Variants in DTL observed in about 807,000 individuals in gnomAD.
The protein encoded by DTL is denticleless protein homolog.
DTL carries 46 observed loss-of-function variants against 87.0 expected under a neutral mutation model. The observed-to-expected ratio is 0.53, with a 90% CI of 0.42 to 0.68. DTL has a LOEUF of 0.68. DTL is among the 30% of genes least tolerant of loss of function. The probability of loss-of-function intolerance (pLI) is 0.00; values close to 1 mark genes in which losing one functional copy is unlikely to be tolerated. For missense variants in DTL, 737 were observed against 869.4 expected (o/e 0.85, Z 1.91); for synonymous variants, 308 against 311.2 (o/e 0.99, Z 0.11).
rs1399863072 is a variant in DTL at position 212,068,339 on chromosome 1, A to T, written c.817+12A>T. 6.4e-7 allele frequency: 1 copy of T among 1,551,210 alleles called. No individual in the cohort carries two copies. The highest frequency in any genetic ancestry group is 8.8e-7 in the Non-Finnish European group (1 of 1,140,450). On this transcript the variant is annotated intron_variant, in intron 9 of 14. Coordinates refer to ENST00000366991, the MANE Select transcript of DTL (RefSeq NM_016448.4). ...CACTCGAAAACTTGGTAAGCCTTTA[A>T]TAGGTCTTTTGGGGGAGATAAGAGT...
intron 5 of DTL, among the ~76,000 whole-genome samples, chr1:212,059,302 TAAAA>T (rs558660938): frequency 1.4e-5 from 2 of 142,508 alleles, no homozygotes; most frequent in African/African-American, 5.1e-5. Context: ...AACAGCACAT[TAAAA>T]AAAAAAAATA....
In DTL at chr1:212,104,752, G is replaced by A. The variant is rs1027481230; in HGVS notation, c.*1812G>A. 1.3e-5 allele frequency: 2 copies of A among 152,118 alleles called. No homozygotes were observed. The highest frequency in any genetic ancestry group is 3.9e-4 in the East Asian group (2 of 5,194). The allele number at this position is 152,118 out of a possible 1,614,324, so 9.4% of individuals were successfully genotyped here. A position where few individuals can be genotyped will look rare whatever the true frequency, so the allele number is the denominator to read the frequency against. On this transcript the variant is annotated 3_prime_UTR_variant, in exon 15 of 15. Transcript: ENST00000366991. ...ACTTGGAAAGCTAGTACTTTTAAATGGGTGCCAAAGGTCAACTGTAATGAG... is the reference window on the plus strand; with the variant it reads ...ACTTGGAAAGCTAGTACTTTTAAATAGGTGCCAAAGGTCAACTGTAATGAG...
chr1:212,101,698 A>C (rs1655630506), intron 14 of DTL, among the ~76,000 whole-genome samples: 1 of 152,192 alleles, frequency 6.6e-6, no homozygotes, highest in East Asian at 1.9e-4. Context: ...ACCTATATCT[A>C]TTCTTTTTAA....
chr1:212,066,299 C>T (rs1003351589), intron 7 of DTL, among the ~76,000 whole-genome samples: 9 of 151,978 alleles, frequency 5.9e-5, no homozygotes, highest in African/African-American at 1.9e-4. Context: ...GAAGTTAAAA[C>T]GAGTAGCATT....
At chr1:212,089,363 G>A (rs548679303) in intron 13 of DTL, among the ~76,000 whole-genome samples, 24 of 152,246 alleles carry the variant, frequency 1.6e-4, no homozygotes, top group African/African-American at 5.1e-4. Context: ...ATGAAGAGAC[G>A]TAAAAATAAA....
At chr1:212,081,697 C>A (rs1355176016) in intron 13 of DTL, among the ~76,000 whole-genome samples, 4 of 152,316 alleles carry the variant, frequency 2.6e-5, no homozygotes, top group African/African-American at 9.6e-5. Context: ...ACAGAGCCAA[C>A]AGAATATGTT....
rs1242317002 is a variant in DTL at position 212,035,916 on chromosome 1, A to G, written c.26A>G (p.Gln9Arg). Residue 9 changes from glutamine (Q) to arginine (R), a missense_variant, in exon 1 of 15, where the codon CAG becomes CGG. Transcript: ENST00000366991. ...ATGCTCTTCAATTCGGTGCTCCGCC[A>G]GCCCCAGCTTGGCGTCCTGAGAAAT... MLFNSVLRQPQLGVLRNGW... is the reference protein window; with the variant it reads MLFNSVLRRPQLGVLRNGW... The G allele has an allele frequency of 1.2e-6, 2 of 1,614,170 alleles. No homozygotes were observed. Among genetic ancestry groups the G allele is most frequent in the South Asian group, 1.1e-5 (1 of 91,082 alleles).
chr1:212,078,544 T>G (rs953058519), intron 12 of DTL, among the ~76,000 whole-genome samples: 3 of 152,164 alleles, frequency 2.0e-5, no homozygotes, highest in African/African-American at 7.2e-5. Context: ...AATTAAAATT[T>G]TCTATTAAAA....
At chr1:212,096,415 T>G (rs189182563) in intron 13 of DTL, among the ~76,000 whole-genome samples, 1 of 152,224 alleles carries the variant, frequency 6.6e-6, no homozygotes, top group African/African-American at 2.4e-5. Context: ...TCCTCCTGGG[T>G]TTGGGTTTGG....
At chr1:212,099,307 C>T (rs927022035) in intron 13 of DTL, among the ~76,000 whole-genome samples, 1 of 152,114 alleles carries the variant, frequency 6.6e-6, no homozygotes, top group Non-Finnish European at 1.5e-5. Context: ...GATCTTGGCT[C>T]ACTGCAACTT....
intron 5 of DTL, among the ~76,000 whole-genome samples, chr1:212,052,659 A>G (rs964970616): frequency 6.6e-6 from 1 of 151,096 alleles, no homozygotes; most frequent in African/African-American, 2.4e-5. Context: ...AAAAAAAAAA[A>G]GAAATATTTT....
At chr1:212,098,437 A>T (rs1655512551) in intron 13 of DTL, among the ~76,000 whole-genome samples, 1 of 151,936 alleles carries the variant, frequency 6.6e-6, no homozygotes, top group African/African-American at 2.4e-5. Context: ...GGTTTCCTGG[A>T]TAGGTTTTCG....
chr1:212,036,544 A>C lies in DTL; in HGVS notation c.52+602A>C, dbSNP rs1178397871. 2.6e-5 allele frequency among the ~76,000 whole-genome samples: 4 copies of C among 152,360 alleles called. No homozygotes were observed. The South Asian group carries it at 8.3e-4, about 32-fold the overall frequency. On this transcript the variant is annotated intron_variant, in intron 1 of 14. Transcript: ENST00000366991. ...GACCCCTGTTAATAGATTGAAGTAT[A>C]TTATTCCAGATGTTTTCGACGCTAG...
In DTL at chr1:212,100,223, G is replaced by A. The variant is rs200694627; in HGVS notation, c.1262-29G>A. The A allele has an allele frequency of 1.2e-5, 18 of 1,480,542 alleles. No individual in the cohort carries two copies. In the African/African-American group the frequency reaches 2.3e-4, roughly 19 times the overall value. 91.7% of individuals were successfully genotyped at this position (1,480,542 alleles called of 1,614,324 possible). Reference sequence around the variant, plus strand: ...GGGACTTTGTATGGCTTTCACTTCTGATCTTCATGATCCTCTCCTCTTTTT... The same window carrying A: ...GGGACTTTGTATGGCTTTCACTTCTAATCTTCATGATCCTCTCCTCTTTTT... On this transcript the variant is annotated intron_variant, in intron 13 of 14. Coordinates refer to ENST00000366991, the MANE Select transcript of DTL (RefSeq NM_016448.4).
chr1:212,079,282 G>T (rs970322217), intron 12 of DTL, among the ~76,000 whole-genome samples: 1 of 151,780 alleles, frequency 6.6e-6, no homozygotes, highest in African/African-American at 2.4e-5. Context: ...TAAGTTGAAT[G>T]ATTTTTGAAT....
rs904854888 is a variant in DTL, at chr1:212,104,401, A to G, written c.*1461A>G. 6.6e-6 allele frequency: 1 copy of G among 152,236 alleles called. No homozygotes were observed. Among genetic ancestry groups the G allele is most frequent in the Non-Finnish European group, 1.5e-5 (1 of 68,030 alleles). 9.4% of individuals were successfully genotyped at this position (152,236 alleles called of 1,614,324 possible). A position where few individuals can be genotyped will look rare whatever the true frequency, so the allele number is the denominator to read the frequency against. ...CCAGGGAGAAAAATAAAAGGAAGCC[A>G]TAGAATTGCTCTGGTCAAAACCAAG... On this transcript the variant is annotated 3_prime_UTR_variant, in exon 15 of 15. Coordinates refer to ENST00000366991, the MANE Select transcript of DTL (RefSeq NM_016448.4).
intron 1 of DTL, among the ~76,000 whole-genome samples, chr1:212,037,546 C>G (rs749183298): frequency 2.0e-5 from 3 of 152,154 alleles, no homozygotes; most frequent in Non-Finnish European, 4.4e-5. Flanking sequence ...TAAACTAACT[C>G]TACCATAGGC....
intron 2 of DTL, among the ~76,000 whole-genome samples, chr1:212,043,828 CAAAAAAAAAAA>C (rs35962372): frequency 1.2e-5 from 1 of 83,686 alleles, no homozygotes; most frequent in Admixed American, 1.4e-4. Context: ...ACTTCATCTC[CAAAAAAAAAAA>C]AAAAAAAGAA....
chr1:212,038,716 A>G (rs1667557939), intron 1 of DTL, among the ~76,000 whole-genome samples: 2 of 152,062 alleles, frequency 1.3e-5, no homozygotes, highest in Admixed American at 1.3e-4. Flanking sequence ...TATTCTCCAC[A>G]TTGCTGCTAA....
Sources: gnomAD v4.1 joint callset for allele counts (sites outside exome capture counted in the v4.1 genomes callset) on GRCh38, gnomAD v4.1.1 for gene constraint, MANE v1.5 for transcripts, NCBI Gene and HGNC (gene_info 2026-07-23, HGNC 2026-07-21) for gene names.